PIK3C2G: variants seen among roughly 807,000 people sequenced by gnomAD.
PIK3C2G encodes the protein phosphatidylinositol-4-phosphate 3-kinase catalytic subunit type 2 gamma.
Under a neutral mutation model 181.1 loss-of-function variants are expected in PIK3C2G, and 168 were observed. The observed-to-expected ratio is 0.93, with a 90% CI of 0.82 to 1.05. The LOEUF (loss-of-function observed/expected upper bound fraction) is 1.05, where lower values mean the gene tolerates loss of function less well. Among genes scored for constraint, PIK3C2G ranks in the 50% least tolerant of loss-of-function variants. The pLI, the probability that PIK3C2G is intolerant of heterozygous loss-of-function variation, is 0.00. For missense variants in PIK3C2G, 1,869 were observed against 1,732.8 expected, an observed-to-expected ratio of 1.08 and a Z score of -1.40; for synonymous variants, 573 against 592.2, an observed-to-expected ratio of 0.97 and a Z score of 0.47.
intron 30 of PIK3C2G, among the ~76,000 whole-genome samples, chr12:18,605,732 G>A (rs756070649): frequency 1.1e-4 from 16 of 152,080 alleles, no homozygotes; most frequent in Non-Finnish European, 1.9e-4. Flanking sequence ...ATATCTTAGC[G>A]TCTTCTTGAA....
In PIK3C2G at chr12:18,274,109, C is replaced by T. The variant is rs1296856851; in HGVS notation, c.-78-7895C>T. Among the ~76,000 whole-genome samples, 12 of 152,174 alleles carry T rather than the reference C, an allele frequency of 7.9e-5. No homozygotes were observed. In the South Asian group the frequency reaches 8.3e-4, roughly 11 times the overall value. On this transcript the variant is annotated intron_variant, in intron 1 of 32. Coordinates refer to ENST00000538779, the MANE Select transcript of PIK3C2G (RefSeq NM_001288772.2). ...AAATCAAAACCACAATGAGATACCA[C>T]CTCACACCAGTTAGAATGGTGATCA...
chr12:18,436,593 T>C (rs1946461553), intron 18 of PIK3C2G, among the ~76,000 whole-genome samples: 3 of 152,006 alleles, frequency 2.0e-5, no homozygotes, highest in Non-Finnish European at 2.9e-5. Context: ...ATTCATTCAA[T>C]ACCTATTGAA....
intron 18 of PIK3C2G, chr12:18,424,703 A>T (rs1439122679): frequency 4.7e-6 from 1 of 213,414 alleles, no homozygotes; most frequent in Non-Finnish European, 1.0e-5. Flanking sequence ...AAGGCTTGTC[A>T]GTTGGACAGT....
chr12:18,592,026 A>C (rs1592664712), intron 29 of PIK3C2G, among the ~76,000 whole-genome samples: 1 of 151,996 alleles, frequency 6.6e-6, no homozygotes, highest in East Asian at 1.9e-4. Context: ...TGGACATAGG[A>C]GAAGCAGCAA....
chr12:18,298,650 T>C (rs938573990), intron 5 of PIK3C2G, among the ~76,000 whole-genome samples: 5 of 151,826 alleles, frequency 3.3e-5, no homozygotes, highest in African/African-American at 2.4e-5. Context: ...ATTTATCTTA[T>C]GCTTTCTTCT....
At chr12:18,591,270 A>G (rs2136474242) in intron 29 of PIK3C2G, among the ~76,000 whole-genome samples, 1 of 152,072 alleles carries the variant, frequency 6.6e-6, no homozygotes, top group East Asian at 1.9e-4. Context: ...ATTTACAATG[A>G]TGCATAAACT....
At chr12:18,444,087 T>C (rs1416883988) in intron 18 of PIK3C2G, among the ~76,000 whole-genome samples, 2 of 152,210 alleles carry the variant, frequency 1.3e-5, no homozygotes, top group Non-Finnish European at 2.9e-5. Context: ...ACAAAATAAA[T>C]ATGTAAACAA....
At chr12:18,726,557 G>A in the PIK3C2G span, among the ~76,000 whole-genome samples, 1 of 152,074 alleles carries the variant, frequency 6.6e-6, no homozygotes, top group Non-Finnish European at 1.5e-5. Context: ...ATAAACAAGG[G>A]AAAATAAAAT....
At chr12:18,335,506 C>A (rs552332228) in intron 8 of PIK3C2G, among the ~76,000 whole-genome samples, 24 of 151,998 alleles carry the variant, frequency 1.6e-4, no homozygotes, top group Non-Finnish European at 1.6e-4. Context: ...TCTATATTTT[C>A]TCAGTCCAAC....
chr12:18,621,277 T>C (rs1018849330), intron 31 of PIK3C2G, among the ~76,000 whole-genome samples: 3 of 151,806 alleles, frequency 2.0e-5, no homozygotes, highest in Admixed American at 6.6e-5. Context: ...TCATCAGCAT[T>C]TGGTATTTAG....
intron 18 of PIK3C2G, among the ~76,000 whole-genome samples, chr12:18,425,862 A>G (rs1357929207): frequency 6.6e-6 from 1 of 152,254 alleles, no homozygotes; most frequent in Non-Finnish European, 1.5e-5. Flanking sequence ...TTATTTATAA[A>G]TGAAATAAAA....
intron 1 of PIK3C2G, among the ~76,000 whole-genome samples, chr12:18,278,110 A>G (rs1392226907): frequency 6.6e-6 from 1 of 152,138 alleles, no homozygotes; most frequent in Non-Finnish European, 1.5e-5. Flanking sequence ...TTTATTTTCT[A>G]TTGCTGCTGT....
Position 18,592,871 on chromosome 12 carries a change from T to C in PIK3C2G, c.4012-1623T>C, listed in dbSNP as rs1450159558. On this transcript the variant is annotated intron_variant, in intron 29 of 32. Transcript: ENST00000538779. ...TAGAATCCAGGACACAGGTAAAGGG[T>C]TCAGCATTAGATGGTTTGCCAGGGC... Among the ~76,000 whole-genome samples the C allele has an allele frequency of 2.0e-5, 3 of 151,830 alleles. No individual in the cohort carries two copies. The East Asian group carries it at 5.8e-4, about 29-fold the overall frequency.
intron 15 of PIK3C2G, among the ~76,000 whole-genome samples, chr12:18,397,347 T>G (rs938018835): frequency 3.3e-5 from 5 of 151,892 alleles, no homozygotes; most frequent in African/African-American, 7.2e-5. Context: ...AAGACCCCAT[T>G]AAAGAAATCT....
chr12:18,412,547 T>G (rs936794497), intron 16 of PIK3C2G, among the ~76,000 whole-genome samples: 1 of 152,190 alleles, frequency 6.6e-6, no homozygotes, highest in Non-Finnish European at 1.5e-5. Context: ...AAAACAATAT[T>G]ACTAATCTCA....
At chr12:18,712,770 A>G in the PIK3C2G span, 1 of 1,539,246 alleles carries the variant, frequency 6.5e-7, no homozygotes, top group Admixed American at 1.7e-5. Flanking sequence ...TAAGCATTAT[A>G]GGATTTTGAA....
At chr12:18,523,976 T>A (rs1334404342) in intron 24 of PIK3C2G, among the ~76,000 whole-genome samples, 1 of 152,202 alleles carries the variant, frequency 6.6e-6, no homozygotes, top group Non-Finnish European at 1.5e-5. Flanking sequence ...TCCATTATAA[T>A]GTTGTTGCTA....
the PIK3C2G span, among the ~76,000 whole-genome samples, chr12:18,720,677 C>T: frequency 2.6e-5 from 4 of 151,940 alleles, no homozygotes; most frequent in Non-Finnish European, 4.4e-5. Flanking sequence ...GTGACATGAG[C>T]ATTCACTTGA....
At chr12:18,510,344 A>C (rs892587589) in intron 24 of PIK3C2G, among the ~76,000 whole-genome samples, 5 of 152,228 alleles carry the variant, frequency 3.3e-5, no homozygotes, top group African/African-American at 9.6e-5. Context: ...TTTGCACTCA[A>C]TTCCACTGTA....
Sources: allele counts gnomAD v4.1 joint callset (sites outside exome capture counted in the v4.1 genomes callset), GRCh38; gene constraint gnomAD v4.1.1; transcripts MANE v1.5; gene names NCBI Gene and HGNC (gene_info 2026-07-23, HGNC 2026-07-21).